The following SCFD2 variants were observed in gnomAD, a reference collection of about 807,000 sequenced individuals.
SCFD2 encodes sec1 family domain containing 2.
A neutral mutation model predicts 58.9 loss-of-function variants in SCFD2; 54 were observed. The ratio of observed to expected loss-of-function variants is 0.92; its 90% CI spans 0.74 to 1.15. The LOEUF (loss-of-function observed/expected upper bound fraction) is 1.15, where lower values mean the gene tolerates loss of function less well. SCFD2 is among the 50% of genes most tolerant of loss of function. SCFD2 has a pLI of 0.00. For synonymous variants in SCFD2, 321 were observed against 335.9 expected (o/e 0.96, Z 0.49); for missense variants, 805 against 836.6 (o/e 0.96, Z 0.47).
rs571582755 is a variant in SCFD2, at chr4:53,254,544, G to A, written c.1311+19282C>T. Among the ~76,000 whole-genome samples the A allele has an allele frequency of 2.1e-4, 30 of 144,340 alleles. No individual in the cohort carries two copies. In the South Asian group the frequency reaches 6.4e-3, roughly 31 times the overall value. 94.7% of individuals were successfully genotyped at this position (144,340 alleles called of 152,430 possible). On this transcript the variant is annotated intron_variant, in intron 4 of 8. Coordinates refer to ENST00000401642, the MANE Select transcript of SCFD2 (RefSeq NM_152540.4). ...AGTAGAGATGGGGTTTCACCATGTT[G>A]GCCAGGCTGGTCTCGAACCCCTGAC...
At chr4:53,163,024 C>A (rs1246202892) in intron 4 of SCFD2, among the ~76,000 whole-genome samples, 1 of 152,094 alleles carries the variant, frequency 6.6e-6, no homozygotes, top group Admixed American at 6.5e-5. Flanking sequence ...GAGTGACCAG[C>A]AACAGAGAAA....
At chr4:53,152,425 G>A (rs963184106) in intron 4 of SCFD2, among the ~76,000 whole-genome samples, 25 of 151,926 alleles carry the variant, frequency 1.6e-4, no homozygotes, top group African/African-American at 5.3e-4. Context: ...GCCACTAAAC[G>A]TCTCATACAT....
chr4:53,316,056 C>T (rs1323150010), intron 2 of SCFD2, among the ~76,000 whole-genome samples: 1 of 152,198 alleles, frequency 6.6e-6, no homozygotes, highest in African/African-American at 2.4e-5. Context: ...CTCCAGGTAT[C>T]TGCTAAAACA....
At chr4:52,900,862 C>G (rs1262543601) in intron 7 of SCFD2, among the ~76,000 whole-genome samples, 2 of 152,180 alleles carry the variant, frequency 1.3e-5, no homozygotes, top group Non-Finnish European at 2.9e-5. Context: ...CCCCCAGCCT[C>G]GCTGCCGCCT....
intron 7 of SCFD2, among the ~76,000 whole-genome samples, chr4:52,896,823 CTCTTT>C (rs1410454930): frequency 6.6e-6 from 1 of 152,114 alleles, no homozygotes; most frequent in African/African-American, 2.4e-5. Flanking sequence ...TGTTTGTATC[CTCTTT>C]TATTTCACTG....
intron 4 of SCFD2, among the ~76,000 whole-genome samples, chr4:53,246,467 C>G (rs1730076363): frequency 1.3e-5 from 2 of 152,210 alleles, no homozygotes; most frequent in South Asian, 2.1e-4. Context: ...CTACAGTAAC[C>G]AAAACAGCAT....
intron 5 of SCFD2, among the ~76,000 whole-genome samples, chr4:52,994,708 C>T (rs186544065): frequency 1.1e-4 from 16 of 152,332 alleles, no homozygotes; most frequent in East Asian, 3.9e-4. Context: ...TGAGACTCCA[C>T]GCAGCAATTT....
intron 5 of SCFD2, among the ~76,000 whole-genome samples, chr4:53,106,889 C>G (rs1428697954): frequency 6.6e-6 from 1 of 152,082 alleles, no homozygotes; most frequent in Non-Finnish European, 1.5e-5. Flanking sequence ...CACAAAGATA[C>G]CCCTCGAGAA....
At chr4:52,889,269 T>C (rs1718825738) in intron 7 of SCFD2, among the ~76,000 whole-genome samples, 1 of 152,238 alleles carries the variant, frequency 6.6e-6, no homozygotes. Flanking sequence ...ATAGCAAACA[T>C]TGTACTAACT....
chr4:53,267,075 A>T (rs1483502716), intron 4 of SCFD2, among the ~76,000 whole-genome samples: 4 of 152,198 alleles, frequency 2.6e-5, no homozygotes, highest in African/African-American at 7.2e-5. Flanking sequence ...CCTATTTTTA[A>T]TTGTAGATTT....
chr4:53,157,870 G>A (rs1399079231), intron 4 of SCFD2, among the ~76,000 whole-genome samples: 2 of 152,206 alleles, frequency 1.3e-5, no homozygotes, highest in Non-Finnish European at 2.9e-5. Context: ...CGTTGTTAGA[G>A]AGAAAGGCTG....
intron 4 of SCFD2, among the ~76,000 whole-genome samples, chr4:53,167,516 T>C (rs1241761575): frequency 6.6e-6 from 1 of 152,220 alleles, no homozygotes; most frequent in Non-Finnish European, 1.5e-5. Context: ...GTACAAATAA[T>C]GGATCCAAAA....
chr4:52,915,786 C>T (rs1272796821), intron 6 of SCFD2, among the ~76,000 whole-genome samples: 1 of 152,190 alleles, frequency 6.6e-6, no homozygotes, highest in African/African-American at 2.4e-5. Context: ...AGTCCTACCC[C>T]ATGCTGATTC....
intron 4 of SCFD2, among the ~76,000 whole-genome samples, chr4:53,230,363 G>A (rs34120962): frequency 0.26 from 38,875 of 151,948 alleles, 5,451 homozygotes; most frequent in Non-Finnish European, 0.31. Context: ...CAAAGACTTG[G>A]AACCAACCCA....
At chr4:52,938,310 G>A (rs1174760758) in intron 5 of SCFD2, among the ~76,000 whole-genome samples, 1 of 152,156 alleles carries the variant, frequency 6.6e-6, no homozygotes, top group Non-Finnish European at 1.5e-5. Flanking sequence ...CCAGTCAATG[G>A]CAGAACCATT....
chr4:53,043,236 GA>G (rs1249537641), intron 5 of SCFD2, among the ~76,000 whole-genome samples: 2 of 152,192 alleles, frequency 1.3e-5, no homozygotes, highest in African/African-American at 4.8e-5. Context: ...GCACTGTGGG[GA>G]ATCTGATGAA....
chr4:52,932,780 A>G (rs1720030169), intron 5 of SCFD2, among the ~76,000 whole-genome samples: 1 of 152,010 alleles, frequency 6.6e-6, no homozygotes, highest in Non-Finnish European at 1.5e-5. Flanking sequence ...TCTCTGCCCC[A>G]ATCTAAGGTT....
intron 4 of SCFD2, among the ~76,000 whole-genome samples, chr4:53,168,218 G>A (rs1031807868): frequency 6.6e-6 from 1 of 152,180 alleles, no homozygotes; most frequent in African/African-American, 2.4e-5. Flanking sequence ...CCTTACAGGT[G>A]GGAGAACTGA....
intron 4 of SCFD2, among the ~76,000 whole-genome samples, chr4:53,252,984 A>G (rs1305083908): frequency 6.6e-6 from 1 of 152,150 alleles, no homozygotes; most frequent in Non-Finnish European, 1.5e-5. Context: ...TTTGCAACCT[A>G]CTCATCTGAC....
Sources: allele counts gnomAD v4.1 joint callset (sites outside exome capture counted in the v4.1 genomes callset), GRCh38; gene constraint gnomAD v4.1.1; transcripts MANE v1.5; gene names NCBI Gene and HGNC (gene_info 2026-07-23, HGNC 2026-07-21).